The following GSAP variants were observed in gnomAD, a reference collection of about 807,000 sequenced individuals.
GSAP encodes the protein gamma-secretase-activating protein.
Under a neutral mutation model 131.7 loss-of-function variants are expected in GSAP, and 118 were observed. The observed-to-expected ratio is 0.90, with a 90% CI of 0.77 to 1.04. The LOEUF is 1.04. Ranked by LOEUF, GSAP falls within the 50% of genes least tolerant of loss-of-function variation. The probability of loss-of-function intolerance (pLI) is 0.00; values close to 1 mark genes in which losing one functional copy is unlikely to be tolerated. For synonymous variants in GSAP, 381 were observed against 363.4 expected, an observed-to-expected ratio of 1.05 and a Z score of -0.55; for missense variants, 1,019 against 1,013.2, an observed-to-expected ratio of 1.01 and a Z score of -0.08.
chr7:77,389,255 TA>T (rs1799046860), intron 5 of GSAP, among the ~76,000 whole-genome samples: 1 of 151,898 alleles, frequency 6.6e-6, no homozygotes, highest in Non-Finnish European at 1.5e-5. Flanking sequence ...TGTGTATATA[TA>T]TATATTTTTT....
chr7:77,393,421 T>C (rs1271635722), intron 5 of GSAP, among the ~76,000 whole-genome samples: 1 of 152,142 alleles, frequency 6.6e-6, no homozygotes, highest in Non-Finnish European at 1.5e-5. Flanking sequence ...CGTGACCTCT[T>C]ACCTGGCCTT....
At chr7:77,358,570 T>C (rs1794089132) in intron 14 of GSAP, among the ~76,000 whole-genome samples, 1 of 152,212 alleles carries the variant, frequency 6.6e-6, no homozygotes. Context: ...CTTTAATGTT[T>C]GAAAACATTT....
intron 13 of GSAP, among the ~76,000 whole-genome samples, chr7:77,362,219 G>T (rs1270415959): frequency 6.6e-6 from 1 of 152,178 alleles, no homozygotes; most frequent in Non-Finnish European, 1.5e-5. Context: ...GGGCATGGTG[G>T]CTCATGCCTA....
chr7:77,382,029 GA>G (rs1797884257), intron 7 of GSAP, among the ~76,000 whole-genome samples: 1 of 148,736 alleles, frequency 6.7e-6, no homozygotes, highest in Non-Finnish European at 1.5e-5. Flanking sequence ...CAGCTTACTA[GA>G]TAAGCTCCAC....
At chr7:77,332,231 C>A (rs1429413883) in intron 19 of GSAP, among the ~76,000 whole-genome samples, 5 of 152,218 alleles carry the variant, frequency 3.3e-5, no homozygotes, top group Non-Finnish European at 5.9e-5. Flanking sequence ...CCACTCACTG[C>A]AGCTCCTAAG....
chr7:77,401,649 G>T (rs1801338500), intron 3 of GSAP, among the ~76,000 whole-genome samples: 1 of 152,170 alleles, frequency 6.6e-6, no homozygotes, highest in Non-Finnish European at 1.5e-5. Context: ...TAGAACATCA[G>T]AAAGAACCAT....
chr7:77,396,715 C>A (rs952552837), intron 5 of GSAP, among the ~76,000 whole-genome samples: 2 of 152,154 alleles, frequency 1.3e-5, no homozygotes, highest in Admixed American at 1.3e-4. Flanking sequence ...TAGGTTTCTA[C>A]TTCAGCATTT....
At chr7:77,327,193 G>C (rs1788440419) in intron 22 of GSAP, 2 of 152,238 alleles carry the variant, frequency 1.3e-5, no homozygotes, top group South Asian at 2.1e-4. Context: ...CAAGGAAAGG[G>C]AAGAGTTTCC....
chr7:77,348,168 C>T (rs571388052), intron 19 of GSAP, among the ~76,000 whole-genome samples: 1 of 151,754 alleles, frequency 6.6e-6, no homozygotes, highest in South Asian at 2.1e-4. Flanking sequence ...GACCCCATCT[C>T]TAAAAATAAA....
chr7:77,341,720 G>A (rs1254221624), intron 19 of GSAP, among the ~76,000 whole-genome samples: 1 of 152,058 alleles, frequency 6.6e-6, no homozygotes. Context: ...ATCCACTCCC[G>A]ACATTAAATA....
At chr7:77,320,673 A>G in intron 26 of GSAP, 52 bp downstream of exon 26, 1 of 1,034,224 alleles carries the variant, frequency 9.7e-7, no homozygotes, top group Non-Finnish European at 1.5e-6. Context: ...AAGGGCCCAT[A>G]TGAAGAAGAA....
intron 19 of GSAP, among the ~76,000 whole-genome samples, chr7:77,342,000 G>A (rs1376347322): frequency 6.6e-6 from 1 of 152,188 alleles, no homozygotes; most frequent in African/African-American, 2.4e-5. Flanking sequence ...CTGGGCCAAG[G>A]AATGCCCACA....
intron 14 of GSAP, among the ~76,000 whole-genome samples, chr7:77,359,117 C>T (rs1016198489): frequency 1.3e-5 from 2 of 152,026 alleles, no homozygotes; most frequent in African/African-American, 4.8e-5. Context: ...CAGTGGGAAC[C>T]TTGAACCCCG....
At chr7:77,314,316 C>A in intron 27 of GSAP, 54 bp downstream of exon 27, 2 of 1,604,578 alleles carry the variant, frequency 1.2e-6, no homozygotes, top group African/African-American at 1.3e-5. Flanking sequence ...AAGAAGCTAG[C>A]CTTGGTGGTG....
At chr7:77,348,938 G>GTT (rs764966872) in intron 19 of GSAP, among the ~76,000 whole-genome samples, 1 of 150,234 alleles carries the variant, frequency 6.7e-6, no homozygotes, top group African/African-American at 2.5e-5. Context: ...TGGAAATTCT[G>GTT]TGTGTGTGTG....
chr7:77,327,572 T>C (rs1272494499), intron 22 of GSAP: 1 of 152,166 alleles, frequency 6.6e-6, no homozygotes, highest in Non-Finnish European at 1.5e-5. Flanking sequence ...CTGTATAAAA[T>C]AGTTTCCATT....
intron 25 of GSAP, 71 bp from the exon 26 acceptor site, chr7:77,320,890 T>C (rs1787550438): frequency 1.8e-5 from 16 of 898,932 alleles, no homozygotes; most frequent in South Asian, 1.8e-4. Flanking sequence ...TCCTAAGCAG[T>C]GGCTTTGAGT....
intron 7 of GSAP, 48 bp downstream of exon 7, chr7:77,382,526 G>A (rs766667745): frequency 8.4e-6 from 8 of 953,992 alleles, no homozygotes; most frequent in South Asian, 3.9e-5. Context: ...ACTAGGAGAC[G>A]ATATGCCATT....
intron 19 of GSAP, among the ~76,000 whole-genome samples, chr7:77,342,250 G>GC (rs1048795951): frequency 7.9e-5 from 12 of 151,828 alleles, no homozygotes; most frequent in Non-Finnish European, 1.5e-5. Context: ...AGGTAAGTCT[G>GC]CCCCCTTCTT....
Sources: gnomAD v4.1 joint callset for allele counts (sites outside exome capture counted in the v4.1 genomes callset) on GRCh38, gnomAD v4.1.1 for gene constraint, MANE v1.5 for transcripts, NCBI Gene and HGNC (gene_info 2026-07-23, HGNC 2026-07-21) for gene names.